KCNK10: variants seen among roughly 807,000 people sequenced by gnomAD.
The protein encoded by KCNK10 is potassium channel subfamily K member 10.
A neutral mutation model predicts 47.7 loss-of-function variants in KCNK10; 25 were observed. The ratio of observed to expected loss-of-function variants is 0.52; its 90% CI spans 0.38 to 0.73. The LOEUF is 0.73. Among genes scored for constraint, KCNK10 ranks in the 30% least tolerant of loss-of-function variants. The pLI is 0.00. For synonymous variants in KCNK10, 303 were observed against 285.6 expected, an observed-to-expected ratio of 1.06 and a Z score of -0.61; for missense variants, 563 against 714.5, an observed-to-expected ratio of 0.79 and a Z score of 2.42.
rs759622956 is a variant in KCNK10 at position 88,188,154 on chromosome 14, T to A, written c.869-45A>T. On this transcript the variant is annotated intron_variant, in intron 5 of 6. Coordinates refer to ENST00000319231, the MANE Select transcript of KCNK10 (RefSeq NM_138317.3). ...ACTTTAACCATGATCTAGCATATGG[T>A]CTTTGCAGAGAACACATATTCCATT... is the stretch of plus-strand genomic sequence containing the variant. The A allele has an allele frequency of 1.9e-6, 3 of 1,601,906 alleles. No homozygotes were observed. The East Asian group carries it at 6.7e-5, about 36-fold the overall frequency.
chr14:88,214,695 T>C (rs912405729), intron 4 of KCNK10, among the ~76,000 whole-genome samples: 28 of 152,180 alleles, frequency 1.8e-4, no homozygotes, highest in Non-Finnish European at 3.4e-4. Context: ...TAACTAATAA[T>C]GAGCTGGTAT....
chr14:88,192,086 G>T, intron 5 of KCNK10, 138 bp downstream of exon 5: 1 of 752,190 alleles, frequency 1.3e-6, no homozygotes, highest in South Asian at 2.0e-5. Flanking sequence ...TTTGAAATGA[G>T]CCTCTTCACA....
At chr14:88,223,524 T>C (rs1885887592) in intron 4 of KCNK10, among the ~76,000 whole-genome samples, 1 of 152,202 alleles carries the variant, frequency 6.6e-6, no homozygotes, top group African/African-American at 2.4e-5. Flanking sequence ...AGTGCAGTAC[T>C]GACTGAGCCC....
chr14:88,228,753 ATCTTCT>A (rs1213283698), intron 3 of KCNK10, among the ~76,000 whole-genome samples: 1 of 152,192 alleles, frequency 6.6e-6, no homozygotes, highest in East Asian at 1.9e-4. Flanking sequence ...TTCTTTTGCA[ATCTTCT>A]GTTCTGAATC....
chr14:88,317,379 T>C (rs910771564), intron 1 of KCNK10, among the ~76,000 whole-genome samples: 3 of 152,190 alleles, frequency 2.0e-5, no homozygotes. Flanking sequence ...AGAAGGAAGA[T>C]CTAAGGGTCT....
intron 1 of KCNK10, among the ~76,000 whole-genome samples, chr14:88,284,209 A>G (rs1261228482): frequency 1.3e-5 from 2 of 152,056 alleles, no homozygotes; most frequent in African/African-American, 2.4e-5. Context: ...AAGAACACCA[A>G]GAAGAAAATC....
In KCNK10 at chr14:88,201,666, GA is replaced by G. The variant is rs998543405; in HGVS notation, c.682-9257del. 1.5e-3 allele frequency among the ~76,000 whole-genome samples: 208 copies of G among 141,980 alleles called. 3 individuals carry two copies. In the East Asian group the frequency reaches 0.023, roughly 16 times the overall value. The allele number at this position is 141,980 out of a possible 152,430, so 93.1% of individuals were successfully genotyped here. On this transcript the variant is annotated intron_variant, in intron 4 of 6. Coordinates refer to ENST00000319231, the MANE Select transcript of KCNK10 (RefSeq NM_138317.3). ...CAGAGTGAGACTACGTCTCAAAAAA[GA>G]AAAAAAAAAATAGAAGGCTACACTG...
rs1344110550 is a variant in KCNK10 at position 88,181,331 on chromosome 14, C to G, written c.*4204G>C. On this transcript the variant is annotated 3_prime_UTR_variant, in exon 7 of 7. Coordinates refer to ENST00000319231, the MANE Select transcript of KCNK10 (RefSeq NM_138317.3). Reference sequence around the variant, plus strand: ...GGGGGCAGGTTCTTAGCATTCAGCTCAACTAGGACTTTAAACATGGAATGG... The same window carrying G: ...GGGGGCAGGTTCTTAGCATTCAGCTGAACTAGGACTTTAAACATGGAATGG... The G allele has an allele frequency of 6.6e-6, 1 of 152,540 alleles. No individual in the cohort carries two copies. The highest frequency in any genetic ancestry group is 1.9e-4 in the East Asian group (1 of 5,330). The allele number at this position is 152,540 out of a possible 1,614,324, so 9.4% of individuals were successfully genotyped here. A position where few individuals can be genotyped will look rare whatever the true frequency, so the allele number is the denominator to read the frequency against.
chr14:88,215,701 A>T (rs973647219), intron 4 of KCNK10, among the ~76,000 whole-genome samples: 5 of 152,182 alleles, frequency 3.3e-5, no homozygotes, highest in Admixed American at 2.0e-4. Flanking sequence ...TAACAATCAG[A>T]TTCCCAGAAG....
upstream of KCNK10, among the ~76,000 whole-genome samples, chr14:88,324,863 A>G (rs748583209): frequency 3.3e-5 from 5 of 152,148 alleles, no homozygotes; most frequent in African/African-American, 4.8e-5. Flanking sequence ...AGACCTACAG[A>G]GGTCCGCTGT....
intron 1 of KCNK10, among the ~76,000 whole-genome samples, chr14:88,267,375 CTTT>C (rs59088203): frequency 6.9e-6 from 1 of 145,038 alleles, no homozygotes; most frequent in Non-Finnish European, 1.5e-5. Flanking sequence ...TTTTCTTTTT[CTTT>C]TTTTTTTTTT....
At position 88,260,747 on chromosome 14, in the gene KCNK10, C is replaced by T. The variant is rs1362205355; in HGVS notation, c.402+2455G>A. Among the ~76,000 whole-genome samples, 1 of 152,180 alleles carries T rather than the reference C, an allele frequency of 6.6e-6. No individual in the cohort carries two copies. Among genetic ancestry groups the T allele is most frequent in the African/African-American group, 2.4e-5 (1 of 41,438 alleles). On this transcript the variant is annotated intron_variant, in intron 2 of 6. Transcript: ENST00000319231. This position sits in a 1 kb window ranked among gnomAD's most constrained non-coding sequence, Gnocchi z 4.5. ...GATAATGGGTATATGATGCCCAGCT[C>T]ATAACAGATGCCTAATAAAGAGCAG...
At chr14:88,302,664 C>T (rs1479644743) in intron 1 of KCNK10, among the ~76,000 whole-genome samples, 1 of 152,124 alleles carries the variant, frequency 6.6e-6, no homozygotes, top group African/African-American at 2.4e-5. Flanking sequence ...GAATTGAGAT[C>T]GTGCCACTGC....
chr14:88,309,703 T>C (rs1458085432), intron 1 of KCNK10, among the ~76,000 whole-genome samples: 2 of 152,110 alleles, frequency 1.3e-5, no homozygotes, highest in African/African-American at 4.8e-5. Flanking sequence ...GCATTACGGG[T>C]TCATAGATAT....
intron 1 of KCNK10, among the ~76,000 whole-genome samples, chr14:88,277,421 A>T (rs1887548154): frequency 6.6e-6 from 1 of 152,190 alleles, no homozygotes; most frequent in African/African-American, 2.4e-5. Context: ...CATTTCTGTG[A>T]TTTACTGCAA....
At chr14:88,318,688 C>A (rs1309922258) in intron 1 of KCNK10, among the ~76,000 whole-genome samples, 1 of 152,072 alleles carries the variant, frequency 6.6e-6, no homozygotes, top group Non-Finnish European at 1.5e-5. Flanking sequence ...AGCCAACTGG[C>A]CCCAAGATCA....
rs73328061 is a variant in KCNK10 at position 88,258,657 on chromosome 14, C to G, written c.402+4545G>C. The stretch of plus-strand genomic sequence containing the variant: ...TACATGCAGGAGTTCAGCAGCAATT[C>G]TGAGAACAAGTGGATGGATGGATAG... On this transcript the variant is annotated intron_variant, in intron 2 of 6. Transcript: ENST00000319231. 8.7e-3 allele frequency among the ~76,000 whole-genome samples: 1,320 copies of G among 152,252 alleles called. 25 individuals carry two copies. The highest frequency in any genetic ancestry group is 0.029 in the African/African-American group (1,209 of 41,546).
rs986073741 is a variant in KCNK10 at position 88,211,423 on chromosome 14, T to C, written c.681+15952A>G. ...TGGGAAGATGGAAAAGTTCTGGAGATGATGGTAGTGATGGTTGCACAACAA... is the reference window on the plus strand; with the variant it reads ...TGGGAAGATGGAAAAGTTCTGGAGACGATGGTAGTGATGGTTGCACAACAA... On this transcript the variant is annotated intron_variant, in intron 4 of 6. Coordinates refer to ENST00000319231, the MANE Select transcript of KCNK10 (RefSeq NM_138317.3). 3.3e-5 allele frequency among the ~76,000 whole-genome samples: 5 copies of C among 152,140 alleles called. No individual in the cohort carries two copies. In the East Asian group the frequency reaches 7.7e-4, roughly 23 times the overall value.
intron 2 of KCNK10, among the ~76,000 whole-genome samples, chr14:88,262,486 T>C (rs1255649297): frequency 6.6e-6 from 1 of 152,182 alleles, no homozygotes; most frequent in East Asian, 1.9e-4. Context: ...TATAGCTCCT[T>C]ACCGCCACAG....
Sources: allele counts gnomAD v4.1 joint callset (sites outside exome capture counted in the v4.1 genomes callset), GRCh38; gene constraint gnomAD v4.1.1; non-coding constraint Gnocchi (gnomAD v3.1); transcripts MANE v1.5; gene names NCBI Gene and HGNC (gene_info 2026-07-23, HGNC 2026-07-21).